NSUN3: variants seen among roughly 807,000 people sequenced by gnomAD.
NSUN3 encodes NOP2/Sun RNA methyltransferase 3, also known as tRNA (cytosine(34)-C(5))-methyltransferase, mitochondrial.
A neutral mutation model predicts 36.8 loss-of-function variants in NSUN3; 24 were observed. The observed-to-expected ratio is 0.65, with a 90% CI of 0.47 to 0.92. The LOEUF (loss-of-function observed/expected upper bound fraction) is 0.92, where lower values mean the gene tolerates loss of function less well. Ranked by LOEUF, NSUN3 falls within the 40% of genes least tolerant of loss-of-function variation. NSUN3 has a pLI of 0.00. For missense variants in NSUN3, 381 were observed against 392.8 expected (o/e 0.97, Z 0.25); for synonymous variants, 146 against 145.2 (o/e 1.01, Z -0.04).
chr3:94,122,999 A>G (rs149168262), intron 5 of NSUN3, among the ~76,000 whole-genome samples: 2,094 of 152,332 alleles, frequency 0.014, 47 homozygotes, highest in African/African-American at 0.047. Flanking sequence ...CTCTTGGTTC[A>G]ATCTCATGAG....
chr3:94,124,656 T>C (rs1330302631), intron 5 of NSUN3, among the ~76,000 whole-genome samples: 1 of 152,158 alleles, frequency 6.6e-6, no homozygotes, highest in African/African-American at 2.4e-5. Context: ...ACTTAATTAC[T>C]TCTTTATGGA....
chr3:94,125,095 T>G (rs2077480056), intron 5 of NSUN3, among the ~76,000 whole-genome samples: 1 of 152,226 alleles, frequency 6.6e-6, no homozygotes, highest in African/African-American at 2.4e-5. Flanking sequence ...AAGAACTCTC[T>G]TCTTGATCCT....
At chr3:94,077,174 T>C (rs1025235015) in intron 2 of NSUN3, 7 of 709,318 alleles carry the variant, frequency 9.9e-6, no homozygotes, top group Admixed American at 6.0e-5. Flanking sequence ...TTGTCAGTCA[T>C]GGAGGCCAGG....
intron 5 of NSUN3, among the ~76,000 whole-genome samples, chr3:94,098,929 C>A (rs1239565945): frequency 6.6e-6 from 1 of 152,026 alleles, no homozygotes; most frequent in African/African-American, 2.4e-5. Flanking sequence ...TAGTACGTGC[C>A]TCTCTTTTTG....
chr3:94,105,945 G>A (rs934706714), intron 5 of NSUN3, among the ~76,000 whole-genome samples: 3 of 150,630 alleles, frequency 2.0e-5, no homozygotes, highest in African/African-American at 7.3e-5. Context: ...ACCCTACCTT[G>A]AAGTTAGGCA....
intron 5 of NSUN3, among the ~76,000 whole-genome samples, chr3:94,125,153 G>T (rs1456611910): frequency 6.6e-6 from 1 of 152,122 alleles, no homozygotes; most frequent in Non-Finnish European, 1.5e-5. Context: ...TGATCTGTCT[G>T]CATTTAATAG....
At position 94,126,316 on chromosome 3, in the gene NSUN3, C is replaced by T. The variant is rs772421224; in HGVS notation, c.849C>T (p.His283=). The T allele has an allele frequency of 8.1e-6, 13 of 1,614,068 alleles. No individual in the cohort carries two copies. Among genetic ancestry groups the T allele is most frequent in the East Asian group, 4.5e-5 (2 of 44,872 alleles). ...QDVISEILNS[H]GNIMPMDIKG... is the part of the protein sequence containing the mutation. ...TGATCAGTGAAATTTTAAACTCCCACGGTAACATCATGCCTATGGACATTA... is the reference window on the plus strand; with the variant it reads ...TGATCAGTGAAATTTTAAACTCCCATGGTAACATCATGCCTATGGACATTA... The change falls in exon 6 of 6, where the codon CAC becomes CAT. Residue 283 remains histidine, a synonymous_variant. Coordinates refer to ENST00000314622, the MANE Select transcript of NSUN3 (RefSeq NM_022072.5).
chr3:94,124,730 T>G (rs988615597), intron 5 of NSUN3, among the ~76,000 whole-genome samples: 2 of 152,218 alleles, frequency 1.3e-5, no homozygotes, highest in Non-Finnish European at 2.9e-5. Context: ...AAAGGAATTT[T>G]GCAGGGACAC....
At position 94,128,315 on chromosome 3, in the gene NSUN3, A is replaced by G. The variant is rs768882141; in HGVS notation, c.*1825A>G. On this transcript the variant is annotated 3_prime_UTR_variant, in exon 6 of 6. Transcript: ENST00000314622. ...AGTATATGGGTAAATACAGAAGAAT[A>G]ATGATGGTGGAAAAGATGTTTTCTT... 6.6e-6 allele frequency: 1 copy of G among 152,134 alleles called. No homozygotes were observed. Among genetic ancestry groups the G allele is most frequent in the Non-Finnish European group, 1.5e-5 (1 of 68,030 alleles). The allele number at this position is 152,134 out of a possible 1,614,324, so 9.4% of individuals were successfully genotyped here.
chr3:94,072,350 A>C (rs2077227645), intron 2 of NSUN3, among the ~76,000 whole-genome samples: 1 of 152,180 alleles, frequency 6.6e-6, no homozygotes, highest in Admixed American at 6.5e-5. Flanking sequence ...AAGTTGCCAA[A>C]ATCTCTAAAA....
chr3:94,126,601 C>T lies in NSUN3; in HGVS notation c.*111C>T. ...ACTTTCTCTGGGTCTGTTTGGAATCCTATTTAGTTAATACTTTAGCATCTT... is the reference window on the plus strand; with the variant it reads ...ACTTTCTCTGGGTCTGTTTGGAATCTTATTTAGTTAATACTTTAGCATCTT... On this transcript the variant is annotated 3_prime_UTR_variant, in exon 6 of 6. Coordinates refer to ENST00000314622, the MANE Select transcript of NSUN3 (RefSeq NM_022072.5). 1.1e-6 allele frequency: 1 copy of T among 952,294 alleles called. No homozygotes were observed. The highest frequency in any genetic ancestry group is 1.5e-6 in the Non-Finnish European group (1 of 647,520). 59.0% of individuals were successfully genotyped at this position (952,294 alleles called of 1,614,324 possible). A position where few individuals can be genotyped will look rare whatever the true frequency, so the allele number is the denominator to read the frequency against.
chr3:94,064,284 C>A lies in NSUN3; in HGVS notation c.13-153C>A, dbSNP rs1002414051. 3 of 585,936 alleles carry A rather than the reference C, an allele frequency of 5.1e-6. No homozygotes were observed. In the African/African-American group the frequency reaches 5.6e-5, roughly 11 times the overall value. The allele number at this position is 585,936 out of a possible 1,614,324, so 36.3% of individuals were successfully genotyped here. On this transcript the variant is annotated intron_variant, in intron 1 of 5. Coordinates refer to ENST00000314622, the MANE Select transcript of NSUN3 (RefSeq NM_022072.5). ...TGCTTTTTCATAATTAGATAATGTA[C>A]AGTTTTGGTACATGTAAGGTATTGC...
intron 3 of NSUN3, among the ~76,000 whole-genome samples, chr3:94,090,222 G>A (rs1287069805): frequency 6.6e-6 from 1 of 151,900 alleles, no homozygotes; most frequent in Non-Finnish European, 1.5e-5. Context: ...TTAAGATTTG[G>A]TTGTTTTTGA....
intron 3 of NSUN3, among the ~76,000 whole-genome samples, chr3:94,087,229 G>C (rs1163159414): frequency 6.6e-6 from 1 of 152,170 alleles, no homozygotes; most frequent in African/African-American, 2.4e-5. Context: ...AGTTAGGTTA[G>C]CTACAGTGCT....
chr3:94,088,556 T>G (rs1272663755), intron 3 of NSUN3, among the ~76,000 whole-genome samples: 1 of 152,070 alleles, frequency 6.6e-6, no homozygotes, highest in Non-Finnish European at 1.5e-5. Context: ...GGATCTGAAC[T>G]CAAGTTTTCA....
rs756188412 is a variant in NSUN3 at position 94,084,381 on chromosome 3, GAGA to G, written c.400_402del (p.Lys134del). On this transcript the variant is annotated inframe_deletion, in exon 3 of 6. Coordinates refer to ENST00000314622, the MANE Select transcript of NSUN3 (RefSeq NM_022072.5). ...GTTGGCTCTGGAATTAAGGGATGGGGAGAAGGTTCTGGATCTCTGTGCTGCTCC... is the reference window on the plus strand; with the variant it reads ...GTTGGCTCTGGAATTAAGGGATGGGGAGGTTCTGGATCTCTGTGCTGCTCC... 2.5e-6 allele frequency: 4 copies of G among 1,614,182 alleles called. No homozygotes were observed. The East Asian group carries it at 8.9e-5, about 36-fold the overall frequency.
chr3:94,121,462 TA>T (rs1262547176), intron 5 of NSUN3, among the ~76,000 whole-genome samples: 2 of 152,338 alleles, frequency 1.3e-5, no homozygotes, highest in East Asian at 3.9e-4. Context: ...TTTTCCCATG[TA>T]AAATGGCTTG....
intron 5 of NSUN3, among the ~76,000 whole-genome samples, chr3:94,124,378 C>T (rs770974996): frequency 6.6e-6 from 1 of 151,976 alleles, no homozygotes; most frequent in Non-Finnish European, 1.5e-5. Context: ...CCATCTGCCT[C>T]GGTCTCCCAA....
chr3:94,115,245 G>T (rs144042922), intron 5 of NSUN3, among the ~76,000 whole-genome samples: 1 of 152,102 alleles, frequency 6.6e-6, no homozygotes, highest in Admixed American at 6.5e-5. Flanking sequence ...ACCAACTGCA[G>T]GATCGATGTT....
Sources: gnomAD v4.1 joint callset for allele counts (sites outside exome capture counted in the v4.1 genomes callset) on GRCh38, gnomAD v4.1.1 for gene constraint, MANE v1.5 for transcripts, NCBI Gene and HGNC (gene_info 2026-07-23, HGNC 2026-07-21) for gene names.